PSD3: variants seen among roughly 807,000 people sequenced by gnomAD.
PSD3 encodes the protein PH and SEC7 domain-containing protein 3.
PSD3 carries 49 observed loss-of-function variants against 105.5 expected under a neutral mutation model. The ratio of observed to expected loss-of-function variants is 0.46; its 90% CI spans 0.37 to 0.59. The LOEUF is 0.59. Among genes scored for constraint, PSD3 ranks in the 20% least tolerant of loss-of-function variants. PSD3 has a pLI of 0.00. For missense variants in PSD3, 1,561 were observed against 1,263.8 expected (o/e 1.24, Z -3.57); for synonymous variants, 557 against 457.8 (o/e 1.22, Z -2.77).
chr8:18,575,267 T>G lies in PSD3; in HGVS notation c.2500A>C (p.Lys834Gln), dbSNP rs778133363. The G allele has an allele frequency of 1.2e-6, 2 of 1,610,894 alleles. No individual in the cohort carries two copies. Among genetic ancestry groups the G allele is most frequent in the African/African-American group, 1.3e-5 (1 of 74,830 alleles). ...TTCAAGTCCTCTTCAGACAAGGCCTTTTCTGGCTTGTATTCATCCTATAGA... is the reference window on the plus strand; with the variant it reads ...TTCAAGTCCTCTTCAGACAAGGCCTGTTCTGGCTTGTATTCATCCTATAGA... ...YLQKDEYKPE[K>Q]ALSEEDLKNA... Residue 834 changes from lysine (K) to glutamine (Q), a missense_variant, in exon 13 of 16, where the codon AAG becomes CAG. Coordinates refer to ENST00000327040, the MANE Select transcript of PSD3 (RefSeq NM_015310.4).
At chr8:19,056,760 C>A (rs1035436602) in intron 1 of PSD3, among the ~76,000 whole-genome samples, 2 of 152,126 alleles carry the variant, frequency 1.3e-5, no homozygotes, top group African/African-American at 4.8e-5. Flanking sequence ...CTGACCCCTT[C>A]CTTAGTGGCA....
intron 1 of PSD3, among the ~76,000 whole-genome samples, chr8:18,980,951 C>T (rs1299016650): frequency 6.6e-6 from 1 of 152,120 alleles, no homozygotes; most frequent in Non-Finnish European, 1.5e-5. Context: ...AACTGGAATA[C>T]CACCCTCTTC....
intron 1 of PSD3, among the ~76,000 whole-genome samples, chr8:18,992,142 A>T (rs78215877): frequency 6.6e-6 from 1 of 152,284 alleles, no homozygotes; most frequent in African/African-American, 2.4e-5. Flanking sequence ...AAAAAGTTTC[A>T]GGCTTTATTG....
At chr8:18,588,580 T>C (rs1243583042) in intron 12 of PSD3, among the ~76,000 whole-genome samples, 1 of 152,222 alleles carries the variant, frequency 6.6e-6, no homozygotes, top group Non-Finnish European at 1.5e-5. Context: ...CATAAATGTA[T>C]AATTTCCTTA....
intron 14 of PSD3, among the ~76,000 whole-genome samples, chr8:18,560,327 G>C (rs751322257): frequency 1.4e-4 from 22 of 152,050 alleles, no homozygotes; most frequent in Non-Finnish European, 2.4e-4. Context: ...ATTTGTAATA[G>C]ACACGATGAA....
intron 14 of PSD3, among the ~76,000 whole-genome samples, 178 bp downstream of exon 14, chr8:18,572,350 C>T (rs1017334225): frequency 6.6e-6 from 1 of 152,134 alleles, no homozygotes. Context: ...TGTCAGCTTC[C>T]TACATGAAGT....
intron 1 of PSD3, among the ~76,000 whole-genome samples, chr8:19,022,901 G>T (rs985769956): frequency 2.1e-5 from 3 of 145,662 alleles, no homozygotes; most frequent in East Asian, 2.1e-4. Context: ...GGTAGATGTT[G>T]TCCCAAATCC....
At chr8:18,751,276 C>T (rs1805468956) in intron 9 of PSD3, among the ~76,000 whole-genome samples, 1 of 152,214 alleles carries the variant, frequency 6.6e-6, no homozygotes, top group Admixed American at 6.5e-5. Context: ...TCCGCAGCCG[C>T]TGGCCCGGGT....
chr8:18,934,806 T>C (rs1173636777), intron 2 of PSD3, among the ~76,000 whole-genome samples: 2 of 152,216 alleles, frequency 1.3e-5, no homozygotes, highest in Admixed American at 6.5e-5. Flanking sequence ...ATTAACCACA[T>C]GCAATAGCCT....
intron 1 of PSD3, among the ~76,000 whole-genome samples, chr8:19,040,919 G>T (rs1331902591): frequency 4.3e-4 from 65 of 152,040 alleles, no homozygotes; most frequent in Admixed American, 4.3e-3. Context: ...TTGAGACAGG[G>T]TCTCACTCTG....
intron 15 of PSD3, among the ~76,000 whole-genome samples, chr8:18,545,837 C>T (rs1449096056): frequency 1.3e-5 from 2 of 152,172 alleles, no homozygotes; most frequent in African/African-American, 4.8e-5. Flanking sequence ...TCCAAAAGGG[C>T]TAATGCCAGT....
At position 18,878,552 on chromosome 8, in the gene PSD3, A is replaced by T. The variant is rs182882627; in HGVS notation, c.131-5819T>A. 1.6e-4 allele frequency among the ~76,000 whole-genome samples: 25 copies of T among 152,320 alleles called. No individual in the cohort carries two copies. The East Asian group carries it at 4.6e-3, about 28-fold the overall frequency. On this transcript the variant is annotated intron_variant, in intron 2 of 15. Transcript: ENST00000327040. ...TGGAAATAAGCTTAAGCATACATAC[A>T]TTCTGAATGCATAGACATACACACG...
At chr8:18,889,219 CT>C (rs1452270170) in intron 2 of PSD3, among the ~76,000 whole-genome samples, 1 of 152,166 alleles carries the variant, frequency 6.6e-6, no homozygotes, top group Non-Finnish European at 1.5e-5. Flanking sequence ...AAAACAGCAC[CT>C]GCTTAGCAGT....
intron 10 of PSD3, among the ~76,000 whole-genome samples, chr8:18,644,122 A>C (rs919798513): frequency 6.6e-6 from 1 of 152,208 alleles, no homozygotes; most frequent in Non-Finnish European, 1.5e-5. Context: ...TTCAGGGGTC[A>C]TTCTCCCATT....
At chr8:18,960,130 C>A (rs907404773) in intron 1 of PSD3, among the ~76,000 whole-genome samples, 2 of 152,200 alleles carry the variant, frequency 1.3e-5, no homozygotes, top group African/African-American at 4.8e-5. Context: ...ATACTGATAG[C>A]AGTTTCTCTA....
chr8:18,701,153 A>C (rs1250890639), intron 9 of PSD3, among the ~76,000 whole-genome samples: 1 of 134,742 alleles, frequency 7.4e-6, no homozygotes, highest in Non-Finnish European at 1.6e-5. Context: ...TTTTTTCTGT[A>C]GAGACAGGAT....
chr8:18,541,078 C>G (rs1308247529), intron 15 of PSD3, among the ~76,000 whole-genome samples: 1 of 151,518 alleles, frequency 6.6e-6, no homozygotes, highest in African/African-American at 2.4e-5. Context: ...CCATCAAAAT[C>G]TAAAACTGGA....
chr8:18,653,115 T>A (rs1808634451), intron 10 of PSD3, among the ~76,000 whole-genome samples: 1 of 152,178 alleles, frequency 6.6e-6, no homozygotes, highest in Admixed American at 6.5e-5. Context: ...CCATAATCCC[T>A]TTGTTTTATA....
chr8:19,059,486 C>T (rs777722794), intron 1 of PSD3, among the ~76,000 whole-genome samples: 1 of 152,296 alleles, frequency 6.6e-6, no homozygotes, highest in South Asian at 2.1e-4. Context: ...AAGAAACTAG[C>T]CCCAGCAATC....
Sources: gnomAD v4.1 joint callset for allele counts (sites outside exome capture counted in the v4.1 genomes callset) on GRCh38, gnomAD v4.1.1 for gene constraint, MANE v1.5 for transcripts, NCBI Gene and HGNC (gene_info 2026-07-23, HGNC 2026-07-21) for gene names.